POLR3C: variants seen among roughly 807,000 people sequenced by gnomAD.
POLR3C encodes DNA-directed RNA polymerase III subunit RPC3.
In POLR3C, 44 loss-of-function variants were observed where a neutral mutation model predicts 65.9. That is an observed-to-expected ratio of 0.67 (90% CI 0.52 to 0.86). The LOEUF is 0.86. Ranked by LOEUF, POLR3C falls within the 40% of genes least tolerant of loss-of-function variation. The pLI, the probability that POLR3C is intolerant of heterozygous loss-of-function variation, is 0.00. For synonymous variants in POLR3C, 263 were observed against 231.6 expected (o/e 1.14, Z -1.23); for missense variants, 576 against 653.2 (o/e 0.88, Z 1.29).
rs1380534620 is a variant in POLR3C, at chr1:145,832,606, C to T, written c.679-654C>T. Among the ~76,000 whole-genome samples, 3 of 152,072 alleles carry T rather than the reference C, an allele frequency of 2.0e-5. No homozygotes were observed. The East Asian group carries it at 5.8e-4, about 29-fold the overall frequency. The stretch of plus-strand genomic sequence containing the variant: ...AAATGTGGTGAGGATGTGCACAGAG[C>T]TGAGTGAGTTCTGGCCTAGTGTCTT... On this transcript the variant is annotated intron_variant, in intron 5 of 14. Transcript: ENST00000334163.
chr1:145,841,265 A>G (rs587676958), intron 14 of POLR3C, among the ~76,000 whole-genome samples, 194 bp downstream of exon 14: 2 of 152,308 alleles, frequency 1.3e-5, no homozygotes, highest in Admixed American at 6.5e-5. Context: ...CTCCATCACC[A>G]TATACACTCT....
At chr1:145,841,352 G>A (rs925965891) in intron 14 of POLR3C, among the ~76,000 whole-genome samples, 41 of 152,122 alleles carry the variant, frequency 2.7e-4, no homozygotes, top group Admixed American at 1.5e-3. Context: ...CCTTGAACTC[G>A]TAGGTTCAAA....
Position 145,833,379 on chromosome 1 carries a change from G to T in POLR3C, c.783+15G>T. On this transcript the variant is annotated intron_variant, in intron 6 of 14. Transcript: ENST00000334163. ...GGATGGACCAGGTAATACCTAAGTG[G>T]GTCTGTCATTGGTCATCAGGGACAT... The T allele has an allele frequency of 3.8e-6, 6 of 1,572,282 alleles. No homozygotes were observed. Among genetic ancestry groups the T allele is most frequent in the African/African-American group, 1.3e-5 (1 of 74,228 alleles).
At chr1:145,840,088 A>C in intron 12 of POLR3C, 28 bp from the exon 13 acceptor site, 1 of 1,591,752 alleles carries the variant, frequency 6.3e-7, no homozygotes, top group Non-Finnish European at 8.6e-7. Flanking sequence ...AACTATGTGC[A>C]TTCCTTGTCT....
At chr1:145,840,443 G>A (rs950420153) in intron 13 of POLR3C, 3 of 383,876 alleles carry the variant, frequency 7.8e-6, no homozygotes, top group Non-Finnish European at 1.5e-5. Flanking sequence ...GGGAGGCTAA[G>A]GCAGGAGAAT....
At position 145,826,686 on chromosome 1, in the gene POLR3C, A is replaced by G; in HGVS notation, c.380A>G (p.Asp127Gly). Residue 127 changes from aspartate to glycine, a missense_variant, in exon 3 of 15, where the codon GAC becomes GGC. Physicochemically the swap from Asp to Gly is moderately conservative, Grantham distance 94. Coordinates refer to ENST00000334163, the MANE Select transcript of POLR3C (RefSeq NM_006468.8). Reference sequence around the variant, plus strand: ...TCAGCTGTTGTGAAGAAAGTGGCAGACCGGCTCACAGAGACCATGGAGGGT... The same window carrying G: ...TCAGCTGTTGTGAAGAAAGTGGCAGGCCGGCTCACAGAGACCATGGAGGGT... Reference protein sequence around the residue: ...TMSAVVKKVADRLTETMEDGK... With the variant: ...TMSAVVKKVAGRLTETMEDGK... 1 of 1,614,214 alleles carries G rather than the reference A, an allele frequency of 6.2e-7. No individual in the cohort carries two copies. Among genetic ancestry groups the G allele is most frequent in the Non-Finnish European group, 8.5e-7 (1 of 1,180,036 alleles).
At chr1:145,831,748 A>G (rs1489734044) in intron 5 of POLR3C, among the ~76,000 whole-genome samples, 1 of 152,206 alleles carries the variant, frequency 6.6e-6, no homozygotes, top group South Asian at 2.1e-4. Context: ...AACGCCAAGA[A>G]AAAATGGTGT....
chr1:145,836,189 C>T (rs935847350), intron 7 of POLR3C, among the ~76,000 whole-genome samples: 11 of 150,936 alleles, frequency 7.3e-5, no homozygotes, highest in Non-Finnish European at 1.3e-4. Context: ...GGCGCAATCT[C>T]GGCTCACTGC....
rs1201196967 is a variant in POLR3C at position 145,842,793 on chromosome 1, TGATAGATA to T, written c.*390_*397del. ...CTGTTCTTTATTTTGTTGAGATAGG[TGATAGATA>T]GATAGATAGATAGATAATTTGTTGT... On this transcript the variant is annotated 3_prime_UTR_variant, in exon 15 of 15. Coordinates refer to ENST00000334163, the MANE Select transcript of POLR3C (RefSeq NM_006468.8). Among the ~76,000 whole-genome samples, 39 of 142,414 alleles carry T rather than the reference TGATAGATA, an allele frequency of 2.7e-4. 1 individual carries two copies. The East Asian group carries it at 2.9e-3, about 11-fold the overall frequency. 93.4% of individuals were successfully genotyped at this position (142,414 alleles called of 152,430 possible).
rs1241624950 is a variant in POLR3C, at chr1:145,842,211, C to T, written c.1524-128C>T. The T allele has an allele frequency of 2.9e-5, 18 of 623,756 alleles. No individual in the cohort carries two copies. The Middle Eastern group carries it at 1.0e-3, about 35-fold the overall frequency. The allele number at this position is 623,756 out of a possible 1,614,324, so 38.6% of individuals were successfully genotyped here. A position where few individuals can be genotyped will look rare whatever the true frequency, so the allele number is the denominator to read the frequency against. On this transcript the variant is annotated intron_variant, in intron 14 of 14. Coordinates refer to ENST00000334163, the MANE Select transcript of POLR3C (RefSeq NM_006468.8). ...AATAGCAAAATGATCTACTGGTTCT[C>T]CTGCTTTCTTTCCATCCACTCTCAA...
At chr1:145,835,431 T>C (rs587762041) in intron 7 of POLR3C, among the ~76,000 whole-genome samples, 194 of 148,138 alleles carry the variant, frequency 1.3e-3, no homozygotes, top group African/African-American at 4.7e-3. Context: ...GGAAACAGAG[T>C]GAGACTCTGT....
At chr1:145,840,804 G>A in intron 13 of POLR3C, 118 bp from the exon 14 acceptor site, 1 of 617,814 alleles carries the variant, frequency 1.6e-6, no homozygotes, top group Non-Finnish European at 2.8e-6. Flanking sequence ...CTTAGAAGGT[G>A]ACATTATCTA....
At chr1:145,838,670 GA>G (rs1160093963) in intron 11 of POLR3C, among the ~76,000 whole-genome samples, 4 of 152,092 alleles carry the variant, frequency 2.6e-5, no homozygotes, top group African/African-American at 9.7e-5. Flanking sequence ...CTGAGCAACA[GA>G]GTGAGACTCT....
At position 145,841,059 on chromosome 1, in the gene POLR3C, G is replaced by T; in HGVS notation, c.1511G>T (p.Arg504Leu). Residue 504 changes from arginine to leucine, a missense_variant, in exon 14 of 15, where the codon CGT becomes CTT. By Grantham distance (102) the Arg-to-Leu change is moderately radical. Coordinates refer to ENST00000334163, the MANE Select transcript of POLR3C (RefSeq NM_006468.8). ...CGTCAGCAGCTAGAGACCCTGAAAC[G>T]TAATGTCAACAAGTAAGCATCATAA... is the stretch of plus-strand genomic sequence containing the variant. The part of the protein sequence containing the change: ...PERQQLETLK[R>L]NVNKLDASEI... 2 of 1,613,480 alleles carry T rather than the reference G, an allele frequency of 1.2e-6. No individual in the cohort carries two copies. The highest frequency in any genetic ancestry group is 1.1e-5 in the South Asian group (1 of 91,046).
At position 145,836,865 on chromosome 1, in the gene POLR3C, C is replaced by T; in HGVS notation, c.1008C>T (p.Ile336=). ...SGDSGGGMYV[I]NLHKALASLA... is the part of the protein sequence containing the mutation. Reference sequence around the variant, plus strand: ...ACAGTGGTGGAGGAATGTATGTCATCAGTATCCTTACCAGTTATTTCCTTA... The same window carrying T: ...ACAGTGGTGGAGGAATGTATGTCATTAGTATCCTTACCAGTTATTTCCTTA... Residue 336 remains isoleucine, a splice_region_variant and synonymous_variant, in exon 9 of 15, where the codon ATC becomes ATT. Transcript: ENST00000334163. 1 of 1,555,554 alleles carries T rather than the reference C, an allele frequency of 6.4e-7. No homozygotes were observed. The highest frequency in any genetic ancestry group is 8.9e-7 in the Non-Finnish European group (1 of 1,128,908).
intron 14 of POLR3C, 105 bp from the exon 15 acceptor site, chr1:145,842,234 C>G (rs1300144208): frequency 1.5e-6 from 1 of 679,540 alleles, no homozygotes; most frequent in African/African-American, 1.8e-5. Flanking sequence ...CATCCACTCT[C>G]AAGGGTAACC....
In POLR3C at chr1:145,843,650, TA is replaced by T. The variant is rs1652452312; in HGVS notation, c.*1231del. ...TAAGTACATAAGTACCAGGAAGTAT[TA>T]GGGGTGCTACAGTAGAAGAGTAAAC... On this transcript the variant is annotated 3_prime_UTR_variant, in exon 15 of 15. Coordinates refer to ENST00000334163, the MANE Select transcript of POLR3C (RefSeq NM_006468.8). 6.6e-6 allele frequency among the ~76,000 whole-genome samples: 1 copy of T among 152,112 alleles called. No homozygotes were observed. The highest frequency in any genetic ancestry group is 1.5e-5 in the Non-Finnish European group (1 of 68,010).
intron 1 of POLR3C, 35 bp downstream of exon 1, chr1:145,824,404 T>A: frequency 2.0e-6 from 1 of 493,790 alleles, no homozygotes; most frequent in Middle Eastern, 3.2e-4. Flanking sequence ...GTGGCGGCAC[T>A]GACTGGACCA....
At chr1:145,825,372 A>G (rs1206525424) in intron 1 of POLR3C, among the ~76,000 whole-genome samples, 3 of 152,158 alleles carry the variant, frequency 2.0e-5, no homozygotes, top group Non-Finnish European at 4.4e-5. Context: ...CGGTCTCCCA[A>G]AGTGCTAGGA....
Sources: allele counts gnomAD v4.1 joint callset (sites outside exome capture counted in the v4.1 genomes callset), GRCh38; gene constraint gnomAD v4.1.1; transcripts MANE v1.5; gene names NCBI Gene and HGNC (gene_info 2026-07-23, HGNC 2026-07-21).